Variants in ANKH observed in about 807,000 individuals in gnomAD.
ANKH encodes ANKH inorganic pyrophosphate transport regulator.
A neutral mutation model predicts 49.0 loss-of-function variants in ANKH; 15 were observed. The ratio of observed to expected loss-of-function variants is 0.31; its 90% confidence interval spans 0.20 to 0.47. The LOEUF (loss-of-function observed/expected upper bound fraction) is 0.47, where lower values mean the gene tolerates loss of function less well. Among genes scored for constraint, ANKH ranks in the 20% least tolerant of loss-of-function variants. ANKH has a pLI of 1.00. For missense variants in ANKH, 429 were observed against 652.0 expected (o/e 0.66, Z 3.72); for synonymous variants, 273 against 260.0 (o/e 1.05, Z -0.48).
At chr5:14,775,420 T>C (rs1357561489) in intron 1 of ANKH, among the ~76,000 whole-genome samples, 1 of 152,108 alleles carries the variant, frequency 6.6e-6, no homozygotes, top group East Asian at 1.9e-4. Flanking sequence ...CAATATACTG[T>C]AATAAAAGTT....
In ANKH at chr5:14,749,321, G is replaced by A. The variant is rs1295819870; in HGVS notation, c.688-15C>T. 5.6e-6 allele frequency: 9 copies of A among 1,614,076 alleles called. No homozygotes were observed. Among genetic ancestry groups the A allele is most frequent in the East Asian group, 4.5e-5 (2 of 44,882 alleles). On this transcript the variant is annotated splice_polypyrimidine_tract_variant and intron_variant, in intron 5 of 11. Coordinates refer to ENST00000284268, the MANE Select transcript of ANKH (RefSeq NM_054027.6). ...GTTGCATCTCCCTGTGTTAAGAAAC[G>A]AAGATAAAAGTTACCTGAACTCTAG...
At chr5:14,766,813 T>G (rs1733669341) in intron 2 of ANKH, among the ~76,000 whole-genome samples, 1 of 152,218 alleles carries the variant, frequency 6.6e-6, no homozygotes, top group African/African-American at 2.4e-5. Context: ...ATATGCTCAT[T>G]TCAATATCAG....
chr5:14,767,374 C>T (rs1228532111), intron 2 of ANKH, among the ~76,000 whole-genome samples: 2 of 152,060 alleles, frequency 1.3e-5, no homozygotes, highest in African/African-American at 2.4e-5. Context: ...TATGTGCTTT[C>T]GTAGCAACTG....
At chr5:14,849,014 AG>A (rs1263181734) in intron 1 of ANKH, among the ~76,000 whole-genome samples, 1 of 152,150 alleles carries the variant, frequency 6.6e-6, no homozygotes, top group African/African-American at 2.4e-5. Context: ...GTGTGAGCTG[AG>A]TTACAAGCCC....
chr5:14,764,292 C>T (rs1413682351), intron 2 of ANKH, among the ~76,000 whole-genome samples: 2 of 151,856 alleles, frequency 1.3e-5, no homozygotes, highest in East Asian at 3.9e-4. Context: ...GATGGTGGGC[C>T]CGTTCTGATT....
chr5:14,720,123 C>T (rs1245005131), intron 8 of ANKH, among the ~76,000 whole-genome samples: 1 of 152,124 alleles, frequency 6.6e-6, no homozygotes, highest in Non-Finnish European at 1.5e-5. Context: ...AAAAAATACA[C>T]TGGAGATCTA....
chr5:14,817,251 G>A (rs1344209688), intron 1 of ANKH, among the ~76,000 whole-genome samples: 1 of 152,114 alleles, frequency 6.6e-6, no homozygotes, highest in Admixed American at 6.5e-5. Context: ...GAGGCTGTCT[G>A]ACCACGCGTG....
At chr5:14,747,822 G>C (rs374392826) in intron 6 of ANKH, among the ~76,000 whole-genome samples, 3 of 152,142 alleles carry the variant, frequency 2.0e-5, no homozygotes, top group African/African-American at 4.8e-5. Context: ...CATTGGGATC[G>C]GGCGGACCTG....
intron 1 of ANKH, among the ~76,000 whole-genome samples, chr5:14,848,504 G>A (rs1180903829): frequency 6.6e-6 from 1 of 152,088 alleles, no homozygotes; most frequent in Non-Finnish European, 1.5e-5. Flanking sequence ...GTTCCGGCTC[G>A]AGCTGAGCTT....
chr5:14,754,426 A>C (rs921481516), intron 4 of ANKH, among the ~76,000 whole-genome samples: 1 of 151,590 alleles, frequency 6.6e-6, no homozygotes, highest in African/African-American at 2.4e-5. Flanking sequence ...GTTTGAAATT[A>C]GAGAGGCTTA....
chr5:14,850,822 C>A (rs924436875), intron 1 of ANKH, among the ~76,000 whole-genome samples: 1 of 151,936 alleles, frequency 6.6e-6, no homozygotes, highest in African/African-American at 2.4e-5. Flanking sequence ...GAAACTGCGA[C>A]GTCTGCCAGA....
At chr5:14,795,987 C>A (rs903502883) in intron 1 of ANKH, among the ~76,000 whole-genome samples, 2 of 152,044 alleles carry the variant, frequency 1.3e-5, no homozygotes, top group African/African-American at 2.4e-5. Flanking sequence ...CTGTTTGGAG[C>A]CTTTAACAGT....
intron 1 of ANKH, among the ~76,000 whole-genome samples, chr5:14,775,868 GC>G (rs1561050144): frequency 6.6e-6 from 1 of 152,210 alleles, no homozygotes; most frequent in Non-Finnish European, 1.5e-5. Flanking sequence ...GCTGCCACTG[GC>G]CTTTGTGATA....
intron 8 of ANKH, among the ~76,000 whole-genome samples, chr5:14,740,812 C>T (rs771260688): frequency 2.6e-5 from 4 of 152,222 alleles, no homozygotes; most frequent in Admixed American, 6.5e-5. Context: ...CCTGTGCTCC[C>T]GTTATTGGCA....
intron 1 of ANKH, among the ~76,000 whole-genome samples, chr5:14,785,337 T>G (rs533978566): frequency 1.3e-5 from 2 of 152,250 alleles, no homozygotes; most frequent in East Asian, 3.9e-4. Context: ...CCCTCAGGAA[T>G]GGTTCAGCAC....
At chr5:14,755,755 C>T (rs963695049) in intron 4 of ANKH, 106 bp downstream of exon 4, 48 of 1,063,688 alleles carry the variant, frequency 4.5e-5, no homozygotes, top group South Asian at 1.0e-4. Context: ...AAAACCAGGT[C>T]GAATGCAGAG....
rs1737119345 is a variant in ANKH, at chr5:14,710,352, C to G, written c.*845G>C. 1 of 152,240 alleles carries G rather than the reference C, an allele frequency of 6.6e-6. No homozygotes were observed. Among genetic ancestry groups the G allele is most frequent in the African/African-American group, 2.4e-5 (1 of 41,458 alleles). 9.4% of individuals were successfully genotyped at this position (152,240 alleles called of 1,614,324 possible). ...ACCTTCAGGAAAGGCGAGGGAAAAGCAAGCCTTCAGGAAAAGTCATGCGGC... is the reference window on the plus strand; with the variant it reads ...ACCTTCAGGAAAGGCGAGGGAAAAGGAAGCCTTCAGGAAAAGTCATGCGGC... On this transcript the variant is annotated 3_prime_UTR_variant, in exon 12 of 12. Coordinates refer to ENST00000284268, the MANE Select transcript of ANKH (RefSeq NM_054027.6).
At chr5:14,809,010 A>C in intron 1 of ANKH, among the ~76,000 whole-genome samples, 1 of 111,396 alleles carries the variant, frequency 9.0e-6, no homozygotes, top group African/African-American at 3.5e-5. Context: ...AGCCATAAAA[A>C]ATGATGAGTT....
At chr5:14,718,129 C>A (rs1737540534) in intron 8 of ANKH, among the ~76,000 whole-genome samples, 1 of 152,110 alleles carries the variant, frequency 6.6e-6, no homozygotes, top group African/African-American at 2.4e-5. Flanking sequence ...TAGAGTCTCC[C>A]AATGAAGCAG....
Sources: gnomAD v4.1 joint callset for allele counts (sites outside exome capture counted in the v4.1 genomes callset) on GRCh38, gnomAD v4.1.1 for gene constraint, MANE v1.5 for transcripts, NCBI Gene and HGNC (gene_info 2026-07-23, HGNC 2026-07-21) for gene names.